Variants in C11orf65 observed in about 807,000 individuals in gnomAD.
The protein encoded by C11orf65 is protein MFI.
A neutral mutation model predicts 35.3 loss-of-function variants in C11orf65; 38 were observed. That is an observed-to-expected ratio of 1.08 (90% CI 0.83 to 1.41). C11orf65 has a LOEUF of 1.41. Ranked by LOEUF, C11orf65 falls within the 40% of genes most tolerant of loss-of-function variation. The pLI is 0.00. For missense variants in C11orf65, 370 were observed against 367.1 expected (o/e 1.01, Z -0.06); for synonymous variants, 105 against 114.4 (o/e 0.92, Z 0.53).
intron 2 of C11orf65, among the ~76,000 whole-genome samples, chr11:108,455,930 G>T (rs192062187): frequency 3.3e-5 from 5 of 151,900 alleles, no homozygotes; most frequent in Admixed American, 1.3e-4. Context: ...AAGGTGGGTA[G>T]ATCACTTGAG....
intron 2 of C11orf65, among the ~76,000 whole-genome samples, chr11:108,441,284 C>G (rs1018515205): frequency 6.6e-6 from 1 of 152,210 alleles, no homozygotes; most frequent in African/African-American, 2.4e-5. Flanking sequence ...GAGGCGTCTG[C>G]CATTGCTGAG....
downstream of C11orf65, chr11:108,329,159 T>C (rs193302874): frequency 6.2e-7 from 1 of 1,613,954 alleles, no homozygotes; most frequent in Non-Finnish European, 8.5e-7. Context: ...ATCATCGGAA[T>C]TTGAAAACAA....
chr11:108,330,518 A>C, downstream of C11orf65: 1 of 1,257,974 alleles, frequency 7.9e-7, no homozygotes, highest in Non-Finnish European at 1.2e-6. Context: ...TTGTATTCCT[A>C]GCACTTGGTC....
chr11:108,394,749 C>T (rs544470094), intron 6 of C11orf65, among the ~76,000 whole-genome samples: 9 of 152,254 alleles, frequency 5.9e-5, no homozygotes, highest in Admixed American at 1.3e-4. Flanking sequence ...ACTCTGGTAT[C>T]GAATTATCTG....
chr11:108,333,787 G>A, intron 3 of C11orf65: 1 of 952,880 alleles, frequency 1.0e-6, no homozygotes, highest in Admixed American at 1.7e-5. Flanking sequence ...CCACAGATTA[G>A]CAACAAGTTG....
chr11:108,373,661 C>G (rs866961314), intron 2 of C11orf65, among the ~76,000 whole-genome samples: 1 of 152,216 alleles, frequency 6.6e-6, no homozygotes, highest in Non-Finnish European at 1.5e-5. Flanking sequence ...TAGGGAGTGC[C>G]AGACAGTAGG....
chr11:108,365,864 A>G, intron 2 of C11orf65: 1 of 229,872 alleles, frequency 4.4e-6, no homozygotes, highest in Non-Finnish European at 8.7e-6. Context: ...CCCTGTCTCT[A>G]CTAAAAATAC....
chr11:108,353,717 A>G (rs745786427), intron 2 of C11orf65: 1 of 1,428,678 alleles, frequency 7.0e-7, no homozygotes, highest in Non-Finnish European at 9.9e-7. Context: ...CTGGAAAGAA[A>G]GTAAATTAGC....
Position 108,406,940 on chromosome 11 carries a change from G to T in C11orf65, c.252C>A (p.Tyr84Ter). 1 of 1,610,680 alleles carries T rather than the reference G, an allele frequency of 6.2e-7. No homozygotes were observed. Among genetic ancestry groups the T allele is most frequent in the Non-Finnish European group, 8.5e-7 (1 of 1,177,358 alleles). The change falls in exon 5 of 9, where the codon TAC becomes TAA. Residue 84 changes from tyrosine (Y) to a stop codon, truncating the protein, a stop_gained. Coordinates refer to ENST00000393084, the MANE Select transcript of C11orf65 (RefSeq NM_152587.5). LOFTEE classifies it high-confidence loss of function. ...LGGVKFPPDI[Y>*]YKIFTHRPIE... ...TAGGTCTGTGAGTAAAAATCTTATA[G>T]TATATATCAGGTGGAAATTTAACCT...
intron 3 of C11orf65, among the ~76,000 whole-genome samples, chr11:108,428,135 G>A (rs1032477896): frequency 3.4e-4 from 51 of 152,042 alleles, no homozygotes; most frequent in African/African-American, 1.2e-3. Context: ...ACCCAGAATG[G>A]CAATCATTAA....
Position 108,431,752 on chromosome 11 carries a change from G to A in C11orf65, c.168C>T (p.Pro56=), listed in dbSNP as rs773499866. 56 of 1,459,414 alleles carry A rather than the reference G, an allele frequency of 3.8e-5. No individual in the cohort carries two copies. The highest frequency in any genetic ancestry group is 5.2e-5 in the Non-Finnish European group (56 of 1,076,476). 90.4% of individuals were successfully genotyped at this position (1,459,414 alleles called of 1,614,324 possible). Residue 56 remains proline, a synonymous_variant, in exon 3 of 9, where the codon CCC becomes CCT. Coordinates refer to ENST00000393084, the MANE Select transcript of C11orf65 (RefSeq NM_152587.5). ...EPRQIVKYIN[P]KEAELLDAAA... ...CAATAAGTAATGTCCTTACCTCTTTGGGATTAATATATTTCACTATCTGAC... is the reference window on the plus strand; with the variant it reads ...CAATAAGTAATGTCCTTACCTCTTTAGGATTAATATATTTCACTATCTGAC...
At chr11:108,370,377 T>C (rs183786660) in intron 2 of C11orf65, among the ~76,000 whole-genome samples, 59 of 152,138 alleles carry the variant, frequency 3.9e-4, no homozygotes, top group African/African-American at 1.2e-3. Context: ...CTATGAGTAA[T>C]GTTTGGATTT....
intron 2 of C11orf65, among the ~76,000 whole-genome samples, chr11:108,435,377 T>G (rs1212754775): frequency 6.6e-6 from 1 of 152,172 alleles, no homozygotes; most frequent in South Asian, 2.1e-4. Context: ...TCCTGATTCT[T>G]AGGAGAAAAT....
intron 6 of C11orf65, among the ~76,000 whole-genome samples, chr11:108,313,900 TTTTA>T (rs1335623128): frequency 2.0e-5 from 3 of 152,172 alleles, no homozygotes; most frequent in Non-Finnish European, 1.5e-5. Flanking sequence ...ATGTTTTCAT[TTTTA>T]TTTAACTGAG....
intron 2 of C11orf65, among the ~76,000 whole-genome samples, chr11:108,442,470 G>A (rs369461616): frequency 1.3e-5 from 2 of 152,150 alleles, no homozygotes; most frequent in Non-Finnish European, 2.9e-5. Context: ...AGGAAATACA[G>A]AGAATGCCAC....
intron 6 of C11orf65, chr11:108,317,315 T>C (rs919663546): frequency 1.9e-6 from 3 of 1,552,838 alleles, no homozygotes; most frequent in Non-Finnish European, 2.6e-6. Context: ...TTTTTTTCTC[T>C]GGTTTTCTGT....
In C11orf65 at chr11:108,365,408, C is replaced by T. The variant is rs786203183; in HGVS notation, c.226+27800G>A. ...AAACTGAAAGGAGTGGAAGAAGGCA[C>T]TGTGCTCAGTGTTGGTGGACAAGTG... is the stretch of plus-strand genomic sequence containing the variant. On this transcript the variant is annotated intron_variant, in intron 2 of 3. Coordinates refer to the C11orf65 transcript ENST00000524755. 8.7e-6 allele frequency: 14 copies of T among 1,614,068 alleles called. No individual in the cohort carries two copies. Among genetic ancestry groups the T allele is most frequent in the Non-Finnish European group, 1.2e-5 (14 of 1,180,044 alleles).
chr11:108,345,632 C>A, intron 2 of C11orf65: 1 of 852,922 alleles, frequency 1.2e-6, no homozygotes. Context: ...GGTAATGTAT[C>A]CTGTTCATCT....
intron 6 of C11orf65, among the ~76,000 whole-genome samples, chr11:108,318,398 A>C (rs2084934797): frequency 1.3e-5 from 2 of 151,710 alleles, no homozygotes; most frequent in Non-Finnish European, 2.9e-5. Context: ...TAATATGCCT[A>C]CTCAGGGCTG....
Sources: gnomAD v4.1 joint callset for allele counts (sites outside exome capture counted in the v4.1 genomes callset) on GRCh38, gnomAD v4.1.1 for gene constraint, MANE v1.5 for transcripts, NCBI Gene and HGNC (gene_info 2026-07-23, HGNC 2026-07-21) for gene names.